The following TFAP4 variants were observed in gnomAD, a reference collection of about 807,000 sequenced individuals.
TFAP4 encodes the protein activating enhancer-binding protein 4.
TFAP4 carries 7 observed loss-of-function variants against 40.4 expected under a neutral mutation model. The ratio of observed to expected loss-of-function variants is 0.17; its 90% CI spans 0.10 to 0.33. TFAP4 has a LOEUF of 0.33. Ranked by LOEUF, TFAP4 falls within the 10% of genes least tolerant of loss-of-function variation. The probability of loss-of-function intolerance (pLI) is 1.00; values close to 1 mark genes in which losing one functional copy is unlikely to be tolerated. For synonymous variants in TFAP4, 218 were observed against 181.4 expected (o/e 1.20, Z -1.62); for missense variants, 374 against 451.1 (o/e 0.83, Z 1.55).
chr16:4,262,981 C>A, intron 1 of TFAP4: 1 of 453,256 alleles, frequency 2.2e-6, no homozygotes, highest in Non-Finnish European at 4.0e-6. Context: ...TGAGATCAGC[C>A]TAGGCAACGT....
Position 4,260,187 on chromosome 16 carries a change from G to A in TFAP4, c.725C>T (p.Pro242Leu). 6.3e-7 allele frequency: 1 copy of A among 1,590,456 alleles called. No individual in the cohort carries two copies. Among genetic ancestry groups the A allele is most frequent in the South Asian group, 1.1e-5 (1 of 88,102 alleles). Residue 242 changes from proline (P) to leucine (L), a missense_variant, in exon 6 of 7, where the codon CCT (proline) becomes CTT (leucine). Pro to Leu is a moderately conservative substitution (Grantham distance 98). Coordinates refer to ENST00000204517, the MANE Select transcript of TFAP4 (RefSeq NM_003223.3). ...HPTVIVPAPPPPPSHHINVVT... is the reference protein window; with the variant it reads ...HPTVIVPAPPLPPSHHINVVT... ...GACATTGATGTGGTGGGAGGGAGGA[G>A]GAGGCGGTGCTGGCACGATCACCGT...
At chr16:4,269,527 A>G (rs978678509) in intron 1 of TFAP4, among the ~76,000 whole-genome samples, 3 of 135,640 alleles carry the variant, frequency 2.2e-5, no homozygotes, top group South Asian at 4.9e-4. Flanking sequence ...ATACAGATGG[A>G]GAGTCCGGGC....
At chr16:4,272,167 C>A (rs897401818) in intron 1 of TFAP4, among the ~76,000 whole-genome samples, 3 of 151,582 alleles carry the variant, frequency 2.0e-5, no homozygotes, top group Non-Finnish European at 4.4e-5. Context: ...GTGCCCGGCT[C>A]CCCGCCCCCA....
intron 1 of TFAP4, chr16:4,266,712 G>T (rs1378297471): frequency 6.6e-6 from 1 of 152,190 alleles, no homozygotes; most frequent in Non-Finnish European, 1.5e-5. Context: ...GCAAATGCCT[G>T]AAAGTTTCTG....
chr16:4,270,575 G>A (rs1450030232), intron 1 of TFAP4, among the ~76,000 whole-genome samples: 1 of 152,184 alleles, frequency 6.6e-6, no homozygotes, highest in Non-Finnish European at 1.5e-5. Flanking sequence ...CAACTGTCTT[G>A]CAATGGACGT....
At position 4,258,063 on chromosome 16, in the gene TFAP4, GCTCCCCGTCCCCCGACGGCTC is replaced by G. The variant is rs766506107; in HGVS notation, c.988_1008del (p.Glu330_Glu336del). On this transcript the variant is annotated inframe_deletion, in exon 7 of 7. Transcript: ENST00000204517. ...GAGGGCTGGGGGGGTAGTCAGGGAA[GCTCCCCGTCCCCCGACGGCTC>G]CTCCCGGCTCTGGTCCATGGCGTCA... The G allele has an allele frequency of 6.2e-7, 1 of 1,611,196 alleles. No homozygotes were observed. The highest frequency in any genetic ancestry group is 8.5e-7 in the Non-Finnish European group (1 of 1,179,566).
intron 1 of TFAP4, among the ~76,000 whole-genome samples, chr16:4,270,432 A>C (rs1365114434): frequency 6.6e-6 from 1 of 152,184 alleles, no homozygotes; most frequent in Non-Finnish European, 1.5e-5. Flanking sequence ...CCTGAGAAGC[A>C]AATGCATCTG....
In TFAP4 at chr16:4,268,405, T is replaced by G. The variant is rs553078687; in HGVS notation, c.89+4253A>C. ...CTCTTAGGGGGTCTACAAGACCTTT[T>G]AAGACCACAAGGCTGTGAGCTGCTG... On this transcript the variant is annotated intron_variant, in intron 1 of 6. Transcript: ENST00000204517. Among the ~76,000 whole-genome samples, 9 of 152,250 alleles carry G rather than the reference T, an allele frequency of 5.9e-5. No individual in the cohort carries two copies. The East Asian group carries it at 1.7e-3, about 29-fold the overall frequency.
At chr16:4,271,537 T>G (rs1433383803) in intron 1 of TFAP4, among the ~76,000 whole-genome samples, 2 of 152,184 alleles carry the variant, frequency 1.3e-5, no homozygotes, top group African/African-American at 4.8e-5. Flanking sequence ...TTTTAAGAAG[T>G]GTGCGGGGTG....
At position 4,272,993 on chromosome 16, in the gene TFAP4, TG is replaced by T; in HGVS notation, c.-248del. The stretch of plus-strand genomic sequence containing the variant: ...GTGTGTGTGTGTGTGTGTGTGTGTG[TG>T]TGTGTGTGTTTGCAGCTGATCAGAT... On this transcript the variant is annotated 5_prime_UTR_variant, in exon 1 of 7. Coordinates refer to ENST00000204517, the MANE Select transcript of TFAP4 (RefSeq NM_003223.3). 1 of 484,208 alleles carries T rather than the reference TG, an allele frequency of 2.1e-6. No homozygotes were observed. The allele number at this position is 484,208 out of a possible 1,614,324, so 30.0% of individuals were successfully genotyped here.
intron 1 of TFAP4, among the ~76,000 whole-genome samples, chr16:4,270,476 C>T (rs1448724550): frequency 6.6e-6 from 1 of 152,162 alleles, no homozygotes; most frequent in Non-Finnish European, 1.5e-5. Context: ...CACATTTGAT[C>T]CCAGACTGGC....
intron 1 of TFAP4, among the ~76,000 whole-genome samples, chr16:4,267,351 C>T (rs1438556440): frequency 2.6e-5 from 4 of 152,202 alleles, no homozygotes; most frequent in Admixed American, 2.6e-4. Context: ...GGCTCTCTTG[C>T]TTCTTGCAAG....
At chr16:4,269,994 A>G (rs1244740075) in intron 1 of TFAP4, among the ~76,000 whole-genome samples, 1 of 152,064 alleles carries the variant, frequency 6.6e-6, no homozygotes, top group Non-Finnish European at 1.5e-5. Flanking sequence ...CAGCCTGGCC[A>G]ACCACTATGG....
At chr16:4,260,955 A>G (rs1362647680) in intron 4 of TFAP4, among the ~76,000 whole-genome samples, 1 of 151,990 alleles carries the variant, frequency 6.6e-6, no homozygotes, top group Admixed American at 6.6e-5. Context: ...GGCCTTCAAT[A>G]TGGTTTTTTG....
In TFAP4 at chr16:4,257,323, AAAAAGAAAG is replaced by A. The variant is rs996432825; in HGVS notation, c.*723_*731del. On this transcript the variant is annotated 3_prime_UTR_variant, in exon 7 of 7. Coordinates refer to ENST00000204517, the MANE Select transcript of TFAP4 (RefSeq NM_003223.3). ...GACCTCAAAATTGTAAAAAAAAAAA[AAAAAGAAAG>A]AAAAAAAAGAAAAACAAAACAAAAA... 39 of 151,530 alleles carry A rather than the reference AAAAAGAAAG, an allele frequency of 2.6e-4. 1 individual carries two copies. The highest frequency in any genetic ancestry group is 7.8e-4 in the African/African-American group (32 of 41,236). 9.4% of individuals were successfully genotyped at this position (151,530 alleles called of 1,614,324 possible).
chr16:4,257,927 G>C lies in TFAP4; in HGVS notation c.*128C>G. On this transcript the variant is annotated 3_prime_UTR_variant, in exon 7 of 7. Transcript: ENST00000204517. Reference sequence around the variant, plus strand: ...GGTCGATTTACAGTATTGAAAAAGAGGTCATAAAAGAGACCCAAATGACAT... The same window carrying C: ...GGTCGATTTACAGTATTGAAAAAGACGTCATAAAAGAGACCCAAATGACAT... 1 of 886,918 alleles carries C rather than the reference G, an allele frequency of 1.1e-6. No homozygotes were observed. Among genetic ancestry groups the C allele is most frequent in the Admixed American group, 2.8e-5 (1 of 35,754 alleles). The allele number at this position is 886,918 out of a possible 1,614,324, so 54.9% of individuals were successfully genotyped here.
At chr16:4,267,042 AG>A (rs548921333) in intron 1 of TFAP4, 10 of 151,108 alleles carry the variant, frequency 6.6e-5, no homozygotes, top group African/African-American at 2.2e-4. Flanking sequence ...TGGGGGGCGG[AG>A]GGGGGGTTGA....
chr16:4,261,342 C>A (rs1202062068), intron 4 of TFAP4, among the ~76,000 whole-genome samples: 1 of 151,830 alleles, frequency 6.6e-6, no homozygotes, highest in African/African-American at 2.4e-5. Flanking sequence ...TGCAGTGGCA[C>A]GATCTCGGCT....
intron 6 of TFAP4, among the ~76,000 whole-genome samples, chr16:4,259,041 T>C (rs969605127): frequency 2.0e-5 from 3 of 151,056 alleles, no homozygotes; most frequent in South Asian, 4.2e-4. Flanking sequence ...TGAGCTGAGA[T>C]AGCACCATTG....
Sources: gnomAD v4.1 joint callset for allele counts (sites outside exome capture counted in the v4.1 genomes callset) on GRCh38, gnomAD v4.1.1 for gene constraint, MANE v1.5 for transcripts, NCBI Gene and HGNC (gene_info 2026-07-23, HGNC 2026-07-21) for gene names.